Variants in MAGI2 observed in about 807,000 individuals in gnomAD.
MAGI2 encodes membrane-associated guanylate kinase, WW and PDZ domain-containing protein 2.
A neutral mutation model predicts 133.3 loss-of-function variants in MAGI2; 35 were observed. The observed-to-expected ratio is 0.26, with a 90% confidence interval of 0.20 to 0.35. MAGI2 has a LOEUF of 0.35. MAGI2 is among the 10% of genes least tolerant of loss of function. The pLI is 1.00. For missense variants in MAGI2, 1,636 were observed against 1,863.4 expected (o/e 0.88, Z 2.25); for synonymous variants, 729 against 710.6 (o/e 1.03, Z -0.41).
At chr7:79,093,676 CTT>C in intron 1 of MAGI2, among the ~76,000 whole-genome samples, 1 of 133,074 alleles carries the variant, frequency 7.5e-6, no homozygotes, top group South Asian at 2.3e-4. Flanking sequence ...ATTTCTTTTT[CTT>C]TCTCTTTCTC....
At chr7:79,448,570 A>C (rs1162858520) in intron 1 of MAGI2, among the ~76,000 whole-genome samples, 1 of 152,124 alleles carries the variant, frequency 6.6e-6, no homozygotes, top group Non-Finnish European at 1.5e-5. Flanking sequence ...TTGTACATAT[A>C]GCTAGCACTA....
In MAGI2 at chr7:78,178,862, T is replaced by C. The variant is rs147014891; in HGVS notation, c.2312-760A>G. Among the ~76,000 whole-genome samples the C allele has an allele frequency of 1.5e-3, 230 of 152,326 alleles. 1 individual carries two copies. The highest frequency in any genetic ancestry group is 4.9e-3 in the African/African-American group (203 of 41,574). ...GAGAGTACTCAAAATAAATAGAAGATACTTTTCTGAAGTCAGCTGAAAGAA... is the reference window on the plus strand; with the variant it reads ...GAGAGTACTCAAAATAAATAGAAGACACTTTTCTGAAGTCAGCTGAAAGAA... On this transcript the variant is annotated intron_variant, in intron 13 of 21. Transcript: ENST00000354212.
chr7:79,031,605 T>C (rs758990359), intron 1 of MAGI2, among the ~76,000 whole-genome samples: 7 of 152,180 alleles, frequency 4.6e-5, no homozygotes, highest in Admixed American at 2.6e-4. Context: ...CTCTTTATAG[T>C]TCAGCTACAA....
chr7:78,302,947 C>T (rs554594124), intron 9 of MAGI2, among the ~76,000 whole-genome samples: 6 of 152,150 alleles, frequency 3.9e-5, no homozygotes, highest in Non-Finnish European at 2.9e-5. Context: ...AAGAGGCAAT[C>T]CTAAGTATGT....
intron 2 of MAGI2, among the ~76,000 whole-genome samples, chr7:78,838,688 G>A (rs1025209849): frequency 6.6e-6 from 1 of 151,814 alleles, no homozygotes; most frequent in African/African-American, 2.4e-5. Flanking sequence ...ATTGAATATG[G>A]AATATTTTTC....
chr7:78,362,945 T>C (rs1398210134), intron 7 of MAGI2, among the ~76,000 whole-genome samples: 1 of 152,216 alleles, frequency 6.6e-6, no homozygotes, highest in Non-Finnish European at 1.5e-5. Flanking sequence ...CCTTAGAGAT[T>C]TGATCTTCTC....
chr7:78,042,138 C>T (rs3807779), intron 21 of MAGI2, among the ~76,000 whole-genome samples: 58,530 of 151,950 alleles, frequency 0.39, 11,484 homozygotes, highest in African/African-American at 0.46. Context: ...ATTTACTTTA[C>T]CCTTTCTTCC....
Position 79,024,297 on chromosome 7 carries a change from C to T in MAGI2, c.302-17091G>A, listed in dbSNP as rs187658988. 4.1e-4 allele frequency among the ~76,000 whole-genome samples: 62 copies of T among 151,976 alleles called. No homozygotes were observed. In the East Asian group the frequency reaches 9.5e-3, roughly 23 times the overall value. On this transcript the variant is annotated intron_variant, in intron 1 of 21. Transcript: ENST00000354212. The stretch of plus-strand genomic sequence containing the variant: ...CTTGCCATATGAAGAAGATTGATAC[C>T]GGACCCCTTCCTTACACCATATACA...
intron 1 of MAGI2, among the ~76,000 whole-genome samples, chr7:79,145,410 T>A (rs1367065974): frequency 6.6e-6 from 1 of 152,112 alleles, no homozygotes; most frequent in East Asian, 1.9e-4. Context: ...GTTGATTTGG[T>A]CTCAATAGAG....
intron 21 of MAGI2, among the ~76,000 whole-genome samples, chr7:78,075,885 C>A (rs1353263814): frequency 1.3e-5 from 2 of 152,150 alleles, no homozygotes; most frequent in African/African-American, 2.4e-5. Flanking sequence ...TAACCAAGCA[C>A]CTTTCAGCTT....
intron 9 of MAGI2, among the ~76,000 whole-genome samples, chr7:78,274,021 GT>G (rs1423794910): frequency 1.3e-5 from 2 of 152,060 alleles, no homozygotes; most frequent in African/African-American, 2.4e-5. Context: ...AGGCATTCTG[GT>G]TTTTGGAATT....
chr7:78,663,497 G>GC (rs949917232), intron 2 of MAGI2, among the ~76,000 whole-genome samples: 34 of 151,982 alleles, frequency 2.2e-4, no homozygotes, highest in African/African-American at 7.2e-4. Flanking sequence ...GAGCCACTGT[G>GC]CCCCGCCATT....
chr7:78,301,319 GA>G (rs1430722505), intron 9 of MAGI2, among the ~76,000 whole-genome samples: 3 of 151,846 alleles, frequency 2.0e-5, no homozygotes, highest in East Asian at 1.9e-4. Flanking sequence ...GTAAATTTCA[GA>G]AAAAAAACCC....
At chr7:78,040,202 G>A (rs965558345) in intron 21 of MAGI2, among the ~76,000 whole-genome samples, 1 of 152,240 alleles carries the variant, frequency 6.6e-6, no homozygotes, top group South Asian at 2.1e-4. Flanking sequence ...GCTTGTGGGT[G>A]GGGACTATTT....
chr7:78,093,950 A>T (rs1563112999), intron 20 of MAGI2, among the ~76,000 whole-genome samples: 1 of 152,244 alleles, frequency 6.6e-6, no homozygotes, highest in Non-Finnish European at 1.5e-5. Flanking sequence ...TAAGCAAGCA[A>T]GCAACCAACC....
intron 1 of MAGI2, among the ~76,000 whole-genome samples, chr7:79,274,986 C>T (rs1345905083): frequency 6.6e-6 from 1 of 152,132 alleles, no homozygotes; most frequent in Non-Finnish European, 1.5e-5. Flanking sequence ...ACTGACCAAC[C>T]ACTTTTTCCT....
chr7:78,281,045 C>T (rs1227930514), intron 9 of MAGI2, among the ~76,000 whole-genome samples: 3 of 151,888 alleles, frequency 2.0e-5, no homozygotes, highest in Non-Finnish European at 4.4e-5. Context: ...CATCAGATAT[C>T]ATTTTTTTCT....
At chr7:78,069,508 TGAGA>T (rs71958470) in intron 21 of MAGI2, among the ~76,000 whole-genome samples, 2 of 142,490 alleles carry the variant, frequency 1.4e-5, no homozygotes, top group Non-Finnish European at 3.0e-5. Context: ...TGTGTGTGTG[TGAGA>T]GAGAGAGAGA....
intron 2 of MAGI2, among the ~76,000 whole-genome samples, chr7:78,718,868 G>A (rs1819982454): frequency 6.6e-6 from 1 of 152,010 alleles, no homozygotes; most frequent in Non-Finnish European, 1.5e-5. Context: ...TGATTCACTG[G>A]GGACATACGG....
Sources: allele counts gnomAD v4.1 joint callset (sites outside exome capture counted in the v4.1 genomes callset), GRCh38; gene constraint gnomAD v4.1.1; transcripts MANE v1.5; gene names NCBI Gene and HGNC (gene_info 2026-07-23, HGNC 2026-07-21).